TRPM3: variants seen among roughly 807,000 people sequenced by gnomAD.
TRPM3 encodes the protein long transient receptor potential channel 3.
In TRPM3, 77 loss-of-function variants were observed where a neutral mutation model predicts 181.2. The ratio of observed to expected loss-of-function variants is 0.42; its 90% CI spans 0.35 to 0.51. The LOEUF is 0.51. Ranked by LOEUF, TRPM3 falls within the 20% of genes least tolerant of loss-of-function variation. The pLI, the probability that TRPM3 is intolerant of heterozygous loss-of-function variation, is 0.01. For missense variants in TRPM3, 1,759 were observed against 2,196.7 expected (o/e 0.80, Z 3.98); for synonymous variants, 745 against 796.4 (o/e 0.94, Z 1.09).
chr9:70,657,510 C>A (rs1185345440), intron 9 of TRPM3, among the ~76,000 whole-genome samples: 1 of 152,022 alleles, frequency 6.6e-6, no homozygotes, highest in Non-Finnish European at 1.5e-5. Context: ...TGTAGAAGGT[C>A]TTTTCTTTTG....
At chr9:71,292,198 G>A (rs778835172) in intron 1 of TRPM3, among the ~76,000 whole-genome samples, 3 of 152,122 alleles carry the variant, frequency 2.0e-5, no homozygotes, top group East Asian at 1.9e-4. Context: ...GTTGAAAACC[G>A]CACTTAGAAG....
intron 1 of TRPM3, among the ~76,000 whole-genome samples, chr9:71,375,136 T>A (rs1456971713): frequency 6.6e-6 from 1 of 151,562 alleles, no homozygotes; most frequent in Admixed American, 6.6e-5. Context: ...ATAGCCCAAA[T>A]AGCCAAACCA....
At chr9:71,191,987 T>C (rs1195580768) in intron 1 of TRPM3, among the ~76,000 whole-genome samples, 1 of 151,782 alleles carries the variant, frequency 6.6e-6, no homozygotes, top group African/African-American at 2.4e-5. Context: ...CTAATAAACA[T>C]GTTACTTTCT....
intron 6 of TRPM3, chr9:70,809,996 T>C (rs1564397630): frequency 1.3e-5 from 7 of 534,598 alleles, no homozygotes; most frequent in South Asian, 7.0e-5. Context: ...CAATTGAACG[T>C]CCCTTTGCCT....
At chr9:70,790,378 A>G (rs79530205) in intron 6 of TRPM3, among the ~76,000 whole-genome samples, 2,114 of 152,290 alleles carry the variant, frequency 0.014, 51 homozygotes, top group African/African-American at 0.048. Flanking sequence ...TGAACAATTC[A>G]ATACTAAGTC....
At chr9:70,665,577 T>C (rs2061730406) in intron 9 of TRPM3, among the ~76,000 whole-genome samples, 1 of 152,218 alleles carries the variant, frequency 6.6e-6, no homozygotes, top group Non-Finnish European at 1.5e-5. Flanking sequence ...AGGTGTCCCA[T>C]GAACGTGTTA....
intron 1 of TRPM3, among the ~76,000 whole-genome samples, chr9:71,300,049 G>A (rs1180390784): frequency 3.3e-5 from 5 of 152,048 alleles, no homozygotes; most frequent in Admixed American, 2.6e-4. Flanking sequence ...ATAGGATTTC[G>A]AATTGACAAT....
At chr9:71,066,801 T>A (rs993283374) in intron 1 of TRPM3, among the ~76,000 whole-genome samples, 11 of 152,150 alleles carry the variant, frequency 7.2e-5, no homozygotes, top group Non-Finnish European at 1.5e-4. Context: ...TATCCACAGG[T>A]TTTCCCCCTG....
intron 1 of TRPM3, among the ~76,000 whole-genome samples, chr9:70,952,805 A>T (rs1267226368): frequency 6.6e-6 from 1 of 152,184 alleles, no homozygotes; most frequent in Non-Finnish European, 1.5e-5. Flanking sequence ...GAAGGGCCTA[A>T]TAATGCACGT....
At chr9:70,995,749 T>C (rs2097536125) in intron 1 of TRPM3, among the ~76,000 whole-genome samples, 1 of 152,164 alleles carries the variant, frequency 6.6e-6, no homozygotes, top group Non-Finnish European at 1.5e-5. Context: ...TGCCAGGCTC[T>C]TAAAAAATAA....
At chr9:71,274,603 T>G (rs2132149511) in intron 1 of TRPM3, among the ~76,000 whole-genome samples, 1 of 152,328 alleles carries the variant, frequency 6.6e-6, no homozygotes, top group African/African-American at 2.4e-5. Context: ...ATAAATTCCT[T>G]AAGAGACTGC....
chr9:70,868,817 C>T (rs535385580), intron 1 of TRPM3, among the ~76,000 whole-genome samples: 13 of 152,082 alleles, frequency 8.5e-5, no homozygotes, highest in Non-Finnish European at 1.9e-4. Flanking sequence ...AAATGTATAC[C>T]CTGTCTTCAT....
intron 6 of TRPM3, among the ~76,000 whole-genome samples, chr9:70,813,505 T>G (rs1164154935): frequency 6.6e-6 from 1 of 152,042 alleles, no homozygotes; most frequent in Non-Finnish European, 1.5e-5. Context: ...TAATAGACAC[T>G]AGGGACTCCA....
rs1473776910 is a variant in TRPM3 at position 71,104,197 on chromosome 9, T to G, written c.177+16981A>C. Among the ~76,000 whole-genome samples, 6 of 152,298 alleles carry G rather than the reference T, an allele frequency of 3.9e-5. No homozygotes were observed. In the East Asian group the frequency reaches 1.2e-3, roughly 29 times the overall value. On this transcript the variant is annotated intron_variant, in intron 1 of 25. Coordinates refer to ENST00000677713, the MANE Select transcript of TRPM3 (RefSeq NM_001366145.2). ...TCCAAAAGTGCTGGGATTACAGGTG[T>G]GAATCACCATGCCCACCCCATTTAG...
At chr9:71,281,179 G>A (rs1367946223) in intron 1 of TRPM3, among the ~76,000 whole-genome samples, 1 of 152,182 alleles carries the variant, frequency 6.6e-6, no homozygotes, top group African/African-American at 2.4e-5. Context: ...GTGTGTCAAA[G>A]TGACAAGGAC....
intron 1 of TRPM3, among the ~76,000 whole-genome samples, chr9:70,957,750 C>T (rs1397290723): frequency 6.6e-6 from 1 of 152,142 alleles, no homozygotes; most frequent in African/African-American, 2.4e-5. Context: ...TCTATGGCAT[C>T]TACTATCGAA....
intron 5 of TRPM3, among the ~76,000 whole-genome samples, chr9:70,837,971 T>C (rs181881371): frequency 1.6e-4 from 25 of 152,312 alleles, no homozygotes; most frequent in African/African-American, 6.0e-4. Context: ...GGGGGTATAA[T>C]ACATACCTTG....
At chr9:71,023,268 C>T (rs2097860969) in intron 1 of TRPM3, among the ~76,000 whole-genome samples, 1 of 152,062 alleles carries the variant, frequency 6.6e-6, no homozygotes, top group Non-Finnish European at 1.5e-5. Context: ...CAGGGAAATG[C>T]AAATTAAAAC....
intron 1 of TRPM3, among the ~76,000 whole-genome samples, chr9:71,012,047 T>A (rs931768116): frequency 3.9e-5 from 6 of 152,122 alleles, no homozygotes; most frequent in African/African-American, 7.2e-5. Context: ...CCTCTCAAAG[T>A]GCTGGGATTA....
Sources: gnomAD v4.1 joint callset for allele counts (sites outside exome capture counted in the v4.1 genomes callset) on GRCh38, gnomAD v4.1.1 for gene constraint, MANE v1.5 for transcripts, NCBI Gene and HGNC (gene_info 2026-07-23, HGNC 2026-07-21) for gene names.